CACNA1C: variants seen among roughly 807,000 people sequenced by gnomAD.
CACNA1C encodes voltage-dependent L-type calcium channel subunit alpha-1C.
In CACNA1C, 30 loss-of-function variants were observed where a neutral mutation model predicts 229.0. The observed-to-expected ratio is 0.13, with a 90% confidence interval of 0.10 to 0.18. The LOEUF (loss-of-function observed/expected upper bound fraction) is 0.18. Among genes scored for constraint, CACNA1C ranks in the 10% least tolerant of loss-of-function variants. The pLI, the probability that CACNA1C is intolerant of heterozygous loss-of-function variation, is 1.00. For missense variants in CACNA1C, 1,658 were observed against 2,845.0 expected (o/e 0.58, Z 9.49); for synonymous variants, 1,114 against 1,132.5 (o/e 0.98, Z 0.33).
intron 1 of CACNA1C, among the ~76,000 whole-genome samples, chr12:2,002,891 C>G (rs1317663050): frequency 6.6e-6 from 1 of 152,022 alleles, no homozygotes; most frequent in Non-Finnish European, 1.5e-5. Flanking sequence ...ACGAAGGTGA[C>G]ACCTCGAAAA....
intron 3 of CACNA1C, among the ~76,000 whole-genome samples, chr12:2,402,320 G>A (rs932633619): frequency 3.3e-5 from 5 of 152,256 alleles, no homozygotes; most frequent in African/African-American, 1.2e-4. Context: ...CACGTGCAAC[G>A]TGGCTGGCTA....
At chr12:2,351,350 C>T (rs974161437) in intron 3 of CACNA1C, among the ~76,000 whole-genome samples, 2 of 152,160 alleles carry the variant, frequency 1.3e-5, no homozygotes, top group African/African-American at 4.8e-5. Context: ...CAGAGAGCAG[C>T]CCCCACCCCA....
At chr12:2,412,722 T>C (rs1366217464) in intron 3 of CACNA1C, among the ~76,000 whole-genome samples, 1 of 152,210 alleles carries the variant, frequency 6.6e-6, no homozygotes, top group African/African-American at 2.4e-5. Context: ...AAGAGATGCC[T>C]ATACAATGGA....
intron 3 of CACNA1C, among the ~76,000 whole-genome samples, chr12:2,377,378 C>T (rs1425960100): frequency 2.0e-5 from 3 of 152,092 alleles, no homozygotes; most frequent in African/African-American, 4.8e-5. Context: ...ACAAACATGG[C>T]GAACACCACA....
At chr12:2,326,664 A>G (rs888933164) in intron 3 of CACNA1C, among the ~76,000 whole-genome samples, 4 of 152,264 alleles carry the variant, frequency 2.6e-5, no homozygotes, top group African/African-American at 7.2e-5. Flanking sequence ...AACTCTTGGC[A>G]TTGTTTTTGG....
chr12:2,066,721 A>G lies in CACNA1C; in HGVS notation c.49+13110A>G, dbSNP rs547217377. On this transcript the variant is annotated intron_variant, in intron 1 of 46. Coordinates refer to ENST00000399655, the MANE Select transcript of CACNA1C (RefSeq NM_000719.7). ...ATGCAAGAGAGGGGAGCAGATGGGG[A>G]AGAAGGCAGTAGGCAGTGGCGTTGG... 5.3e-5 allele frequency among the ~76,000 whole-genome samples: 8 copies of G among 152,162 alleles called. No homozygotes were observed. The South Asian group carries it at 1.7e-3, about 32-fold the overall frequency.
chr12:2,478,113 G>T (rs2099640226), intron 5 of CACNA1C, among the ~76,000 whole-genome samples: 1 of 152,120 alleles, frequency 6.6e-6, no homozygotes, highest in Non-Finnish European at 1.5e-5. Flanking sequence ...GAATAAAAGG[G>T]CAGAGAGAAG....
At chr12:2,460,935 G>T (rs998916817) in intron 5 of CACNA1C, among the ~76,000 whole-genome samples, 1 of 152,222 alleles carries the variant, frequency 6.6e-6, no homozygotes, top group Admixed American at 6.5e-5. Flanking sequence ...TGGTGGATCA[G>T]TGCACTGTAC....
At chr12:2,206,430 C>T (rs915988877) in intron 3 of CACNA1C, among the ~76,000 whole-genome samples, 1 of 152,282 alleles carries the variant, frequency 6.6e-6, no homozygotes, top group East Asian at 1.9e-4. Context: ...TGGAATGGAA[C>T]CTGCATTTGA....
chr12:2,645,661 G>T (rs564031361), intron 30 of CACNA1C, among the ~76,000 whole-genome samples: 4 of 152,178 alleles, frequency 2.6e-5, no homozygotes, highest in African/African-American at 9.7e-5. Flanking sequence ...GGCCTTGGGG[G>T]CAGGGGCTGT....
Position 2,633,880 on chromosome 12 carries a change from G to C in CACNA1C, c.3829-417G>C, listed in dbSNP as rs1282727285. The stretch of plus-strand genomic sequence containing the variant: ...TTTATTGAACCTGCCGTCGTCCTGT[G>C]GGGGAAAAAAAGTGGGAGCTTCTCC... On this transcript the variant is annotated intron_variant, in intron 29 of 46. Transcript: ENST00000399655. The surrounding 1 kb of genome is among the most constrained non-coding windows in gnomAD (Gnocchi z 5.8). Among the ~76,000 whole-genome samples, 1 of 151,958 alleles carries C rather than the reference G, an allele frequency of 6.6e-6. No homozygotes were observed. The highest frequency in any genetic ancestry group is 2.4e-5 in the African/African-American group (1 of 41,372).
chr12:2,674,961 AAAG>A (rs2153766143), intron 39 of CACNA1C, among the ~76,000 whole-genome samples: 1 of 152,292 alleles, frequency 6.6e-6, no homozygotes, highest in Non-Finnish European at 1.5e-5. Flanking sequence ...CAGAACTTCT[AAAG>A]AAACTCCACA....
intron 29 of CACNA1C, chr12:2,614,564 C>A (rs1003764676): frequency 3.9e-5 from 6 of 152,212 alleles, no homozygotes; most frequent in African/African-American, 1.4e-4. Flanking sequence ...TGGATCTGGC[C>A]CAAGAACCAG....
chr12:2,049,635 A>G (rs1241294276), upstream of CACNA1C, among the ~76,000 whole-genome samples: 1 of 152,252 alleles, frequency 6.6e-6, no homozygotes. Context: ...AAATGTAGTA[A>G]GGAAGAGGAG....
In CACNA1C at chr12:2,651,600, T is replaced by C. The variant is rs1161396767; in HGVS notation, c.3946-40T>C. 1 of 1,613,724 alleles carries C rather than the reference T, an allele frequency of 6.2e-7. No individual in the cohort carries two copies. Among genetic ancestry groups the C allele is most frequent in the Non-Finnish European group, 8.5e-7 (1 of 1,179,788 alleles). On this transcript the variant is annotated intron_variant, in intron 31 of 46. Transcript: ENST00000399655. This position sits in a 1 kb window ranked among gnomAD's most constrained non-coding sequence, Gnocchi z 5.4. Reference sequence around the variant, plus strand: ...GGCCCTCCTGTTCTCACCCCCCTCTTGCTGTGCTAACTGCACCTCCTGTTG... The same window carrying C: ...GGCCCTCCTGTTCTCACCCCCCTCTCGCTGTGCTAACTGCACCTCCTGTTG...
At chr12:1,973,613 A>G (rs1283811673) in intron 1 of CACNA1C, among the ~76,000 whole-genome samples, 1 of 152,294 alleles carries the variant, frequency 6.6e-6, no homozygotes, top group East Asian at 1.9e-4. Context: ...GGGAACCTTG[A>G]GGTCATCTAC....
At chr12:2,089,414 C>T (rs111798868) in intron 1 of CACNA1C, among the ~76,000 whole-genome samples, 3,653 of 152,248 alleles carry the variant, frequency 0.024, 148 homozygotes, top group African/African-American at 0.083. Context: ...CCATGCTGGA[C>T]GCCGTGCGAG....
chr12:2,665,753 G>A lies in CACNA1C; in HGVS notation c.4526+45G>A, dbSNP rs1401723536. Reference sequence around the variant, plus strand: ...TCCTGATTCCCCAAGCTGAGAGAGGGTATAGCTGACCATACCTGCAGGAGG... The same window carrying A: ...TCCTGATTCCCCAAGCTGAGAGAGGATATAGCTGACCATACCTGCAGGAGG... On this transcript the variant is annotated intron_variant, in intron 36 of 46. Coordinates refer to ENST00000399655, the MANE Select transcript of CACNA1C (RefSeq NM_000719.7). This position sits in a 1 kb window ranked among gnomAD's most constrained non-coding sequence, Gnocchi z 5.9. 1.9e-6 allele frequency: 3 copies of A among 1,586,148 alleles called. No homozygotes were observed. The highest frequency in any genetic ancestry group is 1.7e-6 in the Non-Finnish European group (2 of 1,164,794).
intron 1 of CACNA1C, chr12:1,993,110 G>A (rs2039874285): frequency 1.1e-6 from 1 of 932,124 alleles, no homozygotes; most frequent in South Asian, 1.3e-5. Flanking sequence ...CATCATTAGG[G>A]CATGCATTTC....
Sources: allele counts gnomAD v4.1 joint callset (sites outside exome capture counted in the v4.1 genomes callset), GRCh38; gene constraint gnomAD v4.1.1; non-coding constraint Gnocchi (gnomAD v3.1); transcripts MANE v1.5; gene names NCBI Gene and HGNC (gene_info 2026-07-23, HGNC 2026-07-21).